HYPK: variants seen among roughly 807,000 people sequenced by gnomAD.
The protein encoded by HYPK is huntingtin-interacting protein K.
HYPK carries 9 observed loss-of-function variants against 13.9 expected under a neutral mutation model. That is an observed-to-expected ratio of 0.65 (90% CI 0.39 to 1.13). The LOEUF (loss-of-function observed/expected upper bound fraction) is 1.13, where lower values mean the gene tolerates loss of function less well. HYPK is among the 50% of genes most tolerant of loss of function. HYPK has a pLI of 0.01. For synonymous variants in HYPK, 76 were observed against 57.0 expected, an observed-to-expected ratio of 1.33 and a Z score of -1.50; for missense variants, 138 against 157.6, an observed-to-expected ratio of 0.88 and a Z score of 0.67.
rs146675078 is a variant in HYPK at position 43,803,202 on chromosome 15, A to T, written c.*1396A>T. Reference sequence around the variant, plus strand: ...TCAGGATTTCCAGACCAGCCTGGGCAACATAGCATGACCTTGTCTCTACTA... The same window carrying T: ...TCAGGATTTCCAGACCAGCCTGGGCTACATAGCATGACCTTGTCTCTACTA... On this transcript the variant is annotated 3_prime_UTR_variant, in exon 4 of 4. Coordinates refer to ENST00000442995, the MANE Select transcript of HYPK (RefSeq NM_016400.4). Among the ~76,000 whole-genome samples, 756 of 150,980 alleles carry T rather than the reference A, an allele frequency of 5.0e-3. 8 individuals are homozygous for T. The highest frequency in any genetic ancestry group is 0.018 in the African/African-American group (722 of 41,068).
chr15:43,801,273 C>G (rs2087311804), intron 2 of HYPK, 86 bp downstream of exon 2: 1 of 1,205,258 alleles, frequency 8.3e-7, no homozygotes, highest in Non-Finnish European at 1.2e-6. Context: ...AGCCTTTATA[C>G]CGTTCTTCAA....
At chr15:43,801,231 C>T in intron 2 of HYPK, 44 bp downstream of exon 2, 1 of 1,502,262 alleles carries the variant, frequency 6.7e-7, no homozygotes, top group East Asian at 2.3e-5. Flanking sequence ...CTTCCCTCCC[C>T]GGTCCCCAGA....
chr15:43,801,061 G>A, intron 1 of HYPK, 71 bp from the exon 2 acceptor site: 3 of 1,367,282 alleles, frequency 2.2e-6, no homozygotes, highest in Non-Finnish European at 3.1e-6. Context: ...TGAACCGCTT[G>A]TTTTGTTGGC....
chr15:43,801,408 A>G lies in HYPK; in HGVS notation c.219-110A>G, dbSNP rs116069933. 1,356 of 1,029,000 alleles carry G rather than the reference A, an allele frequency of 1.3e-3. 9 individuals carry two copies. In the African/African-American group the frequency reaches 0.019, roughly 14 times the overall value. 63.7% of individuals were successfully genotyped at this position (1,029,000 alleles called of 1,614,324 possible). A position where few individuals can be genotyped will look rare whatever the true frequency, so the allele number is the denominator to read the frequency against. On this transcript the variant is annotated intron_variant, in intron 2 of 3. Transcript: ENST00000442995. ...GTATTAGTGGGAGTTTTTATTTTCA[A>G]TCAAGGGTTTATCAAGATTTATTTA... is the stretch of plus-strand genomic sequence containing the variant.
At position 43,804,368 on chromosome 15, in the gene HYPK, C is replaced by A. The variant is rs1471159611; in HGVS notation, c.*2562C>A. Reference sequence around the variant, plus strand: ...GGGACATTTAAAGGATGTGAGAAGACCTTGGTCTTCTCAAAAACATCTGTA... The same window carrying A: ...GGGACATTTAAAGGATGTGAGAAGAACTTGGTCTTCTCAAAAACATCTGTA... On this transcript the variant is annotated 3_prime_UTR_variant, in exon 4 of 4. Coordinates refer to ENST00000442995, the MANE Select transcript of HYPK (RefSeq NM_016400.4). 1 of 152,104 alleles carries A rather than the reference C, an allele frequency of 6.6e-6. No individual in the cohort carries two copies. Among genetic ancestry groups the A allele is most frequent in the Non-Finnish European group, 1.5e-5 (1 of 68,016 alleles). 9.4% of individuals were successfully genotyped at this position (152,104 alleles called of 1,614,324 possible). A position where few individuals can be genotyped will look rare whatever the true frequency, so the allele number is the denominator to read the frequency against.
chr15:43,801,110 A>C, intron 1 of HYPK, 22 bp from the exon 2 acceptor site: 1 of 1,610,336 alleles, frequency 6.2e-7, no homozygotes, highest in Non-Finnish European at 8.5e-7. Context: ...CGGTGCAGTA[A>C]CTAGACCTGC....
In HYPK at chr15:43,801,126, C is replaced by T. The variant is rs560889904; in HGVS notation, c.163-6C>T. The T allele has an allele frequency of 6.2e-7, 1 of 1,613,398 alleles. No homozygotes were observed. Among genetic ancestry groups the T allele is most frequent in the Admixed American group, 1.7e-5 (1 of 59,998 alleles). On this transcript the variant is annotated splice_region_variant and splice_polypyrimidine_tract_variant and intron_variant, in intron 1 of 3. Coordinates refer to ENST00000442995, the MANE Select transcript of HYPK (RefSeq NM_016400.4). Reference sequence around the variant, plus strand: ...GGTGCAGTAACTAGACCTGCCTTTCCCATAGGCCATGTCTGTGATTGGAGA... The same window carrying T: ...GGTGCAGTAACTAGACCTGCCTTTCTCATAGGCCATGTCTGTGATTGGAGA...
rs922770693 is a variant in HYPK at position 43,804,225 on chromosome 15, A to G, written c.*2419A>G. ...ATTCTGACTCTAGGATAATTCTTAGATTGTATCCCACACAACAGTGACTTG... is the reference window on the plus strand; with the variant it reads ...ATTCTGACTCTAGGATAATTCTTAGGTTGTATCCCACACAACAGTGACTTG... On this transcript the variant is annotated 3_prime_UTR_variant, in exon 4 of 4. Coordinates refer to ENST00000442995, the MANE Select transcript of HYPK (RefSeq NM_016400.4). Among the ~76,000 whole-genome samples the G allele has an allele frequency of 4.6e-5, 7 of 152,150 alleles. No individual in the cohort carries two copies. Among genetic ancestry groups the G allele is most frequent in the African/African-American group, 1.7e-4 (7 of 41,418 alleles).
rs956056647 is a variant in HYPK, at chr15:43,801,646, G to C, written c.271-65G>C. 8.7e-6 allele frequency: 14 copies of C among 1,604,282 alleles called. No individual in the cohort carries two copies. The African/African-American group carries it at 1.5e-4, about 17-fold the overall frequency. On this transcript the variant is annotated intron_variant, in intron 3 of 3. Transcript: ENST00000442995. ...ATTTGGGTTGTTTCCTGAAACAAGC[G>C]GAGTCAGTATATTTGGTGGCACATT...
rs963931663 is a variant in HYPK, at chr15:43,802,589, A to G, written c.*783A>G. 2.7e-5 allele frequency: 4 copies of G among 145,830 alleles called. No homozygotes were observed. The highest frequency in any genetic ancestry group is 7.0e-5 in the Admixed American group (1 of 14,320). 9.0% of individuals were successfully genotyped at this position (145,830 alleles called of 1,614,324 possible). ...CATCTCAAAAAAAAAAAAAAAAAAA[A>G]AAGCCCGGGCACAGTGGCTCACACC... On this transcript the variant is annotated 3_prime_UTR_variant, in exon 4 of 4. Coordinates refer to ENST00000442995, the MANE Select transcript of HYPK (RefSeq NM_016400.4).
intron 2 of HYPK, 24 bp from the exon 3 acceptor site, chr15:43,801,494 T>C (rs754591384): frequency 6.3e-7 from 1 of 1,596,318 alleles, no homozygotes; most frequent in South Asian, 1.1e-5. Context: ...GAATGAGGAC[T>C]AATATATTTA....
In HYPK at chr15:43,804,105, A is replaced by AAAC. The variant is rs1491184224; in HGVS notation, c.*2301_*2302insCAA. Among the ~76,000 whole-genome samples the AAAC allele has an allele frequency of 1.0e-5, 1 of 100,030 alleles. No individual in the cohort carries two copies. Among genetic ancestry groups the AAAC allele is most frequent in the Non-Finnish European group, 1.8e-5 (1 of 54,978 alleles). The allele number at this position is 100,030 out of a possible 152,430, so 65.6% of individuals were successfully genotyped here. On this transcript the variant is annotated 3_prime_UTR_variant, in exon 4 of 4. Transcript: ENST00000442995. ...GTCTCTTTAAAACAAACAAACAAAC[A>AAAC]AAAAAAAAACCCTGCAACGGCCCCT...
rs529141395 is a variant in HYPK at position 43,803,515 on chromosome 15, C to T, written c.*1709C>T. ...ACTTTAAAGGTTAATCAGGGCCGGG[C>T]GTGGTGGCGCATGCCTATAATCCCA... is the stretch of plus-strand genomic sequence containing the variant. On this transcript the variant is annotated 3_prime_UTR_variant, in exon 4 of 4. Transcript: ENST00000442995. 3.3e-5 allele frequency among the ~76,000 whole-genome samples: 5 copies of T among 152,074 alleles called. No homozygotes were observed. The highest frequency in any genetic ancestry group is 7.2e-5 in the African/African-American group (3 of 41,460).
rs1378974102 is a variant in HYPK, at chr15:43,804,220, C to G, written c.*2414C>G. On this transcript the variant is annotated 3_prime_UTR_variant, in exon 4 of 4. Coordinates refer to ENST00000442995, the MANE Select transcript of HYPK (RefSeq NM_016400.4). Reference sequence around the variant, plus strand: ...CCCTCATTCTGACTCTAGGATAATTCTTAGATTGTATCCCACACAACAGTG... The same window carrying G: ...CCCTCATTCTGACTCTAGGATAATTGTTAGATTGTATCCCACACAACAGTG... Among the ~76,000 whole-genome samples the G allele has an allele frequency of 1.3e-5, 2 of 152,142 alleles. No homozygotes were observed. The highest frequency in any genetic ancestry group is 1.3e-4 in the Admixed American group (2 of 15,256).
intron 1 of HYPK, 143 bp from the exon 2 acceptor site, chr15:43,800,989 A>G: frequency 1.2e-6 from 1 of 853,660 alleles, no homozygotes; most frequent in Non-Finnish European, 1.9e-6. Context: ...CCTCAGGTGC[A>G]TAGAATGGAA....
intron 1 of HYPK, 63 bp from the exon 2 acceptor site, chr15:43,801,069 G>A: frequency 7.1e-7 from 1 of 1,415,330 alleles, no homozygotes. Flanking sequence ...TTGTTTTGTT[G>A]GCCTTTTAGA....
Position 43,802,043 on chromosome 15 carries a change from C to G in HYPK, c.*237C>G. ...CAGATGCTAGGTGGCAGGCCAGTCTCATTCATCTGACTAGCTCTCAACAGT... is the reference window on the plus strand; with the variant it reads ...CAGATGCTAGGTGGCAGGCCAGTCTGATTCATCTGACTAGCTCTCAACAGT... On this transcript the variant is annotated 3_prime_UTR_variant, in exon 4 of 4. Transcript: ENST00000442995. The G allele has an allele frequency of 3.8e-6, 2 of 533,136 alleles. No homozygotes were observed. The highest frequency in any genetic ancestry group is 4.3e-5 in the South Asian group (2 of 46,616). The allele number at this position is 533,136 out of a possible 1,614,324, so 33.0% of individuals were successfully genotyped here. A position where few individuals can be genotyped will look rare whatever the true frequency, so the allele number is the denominator to read the frequency against.
At chr15:43,800,868 C>A in intron 1 of HYPK, 84 bp downstream of exon 1, 2 of 1,331,000 alleles carry the variant, frequency 1.5e-6, no homozygotes, top group Non-Finnish European at 2.0e-6. Flanking sequence ...CGCTCCAAGA[C>A]GGGGTTCTGA....
rs550136402 is a variant in HYPK at position 43,801,902 on chromosome 15, T to C, written c.*96T>C. On this transcript the variant is annotated 3_prime_UTR_variant, in exon 4 of 4. Transcript: ENST00000442995. ...TTATCATCTTGGGTCAAGTAGAGTG[T>C]ATACTATATCCTATGTTGTGGAGAA... is the stretch of plus-strand genomic sequence containing the variant. The C allele has an allele frequency of 1.5e-4, 139 of 920,472 alleles. No individual in the cohort carries two copies. Among genetic ancestry groups the C allele is most frequent in the Admixed American group, 7.6e-4 (37 of 48,998 alleles). The allele number at this position is 920,472 out of a possible 1,614,324, so 57.0% of individuals were successfully genotyped here.
Sources: allele counts gnomAD v4.1 joint callset (sites outside exome capture counted in the v4.1 genomes callset), GRCh38; gene constraint gnomAD v4.1.1; transcripts MANE v1.5; gene names NCBI Gene and HGNC (gene_info 2026-07-23, HGNC 2026-07-21).